CCDC152: variants seen among roughly 807,000 people sequenced by gnomAD.
CCDC152 encodes the protein coiled-coil domain-containing protein 152.
CCDC152 carries 37 observed loss-of-function variants against 38.1 expected under a neutral mutation model. The observed-to-expected ratio is 0.97, with a 90% CI of 0.75 to 1.28. The LOEUF is 1.28. CCDC152 is among the 50% of genes most tolerant of loss of function. The pLI is 0.00. For synonymous variants in CCDC152, 83 were observed against 87.1 expected (o/e 0.95, Z 0.26); for missense variants, 259 against 292.1 (o/e 0.89, Z 0.83).
At chr5:42,775,501 A>G (rs138821104) in intron 4 of CCDC152, among the ~76,000 whole-genome samples, 89 of 152,324 alleles carry the variant, frequency 5.8e-4, no homozygotes, top group African/African-American at 2.1e-3. Context: ...AAGTAGAAAT[A>G]AAGACTTTCT....
chr5:42,788,430 G>T (rs1272780144), intron 6 of CCDC152, among the ~76,000 whole-genome samples: 1 of 151,822 alleles, frequency 6.6e-6, no homozygotes, highest in Non-Finnish European at 1.5e-5. Flanking sequence ...TCTTACAGAA[G>T]CCTTACAAAC....
chr5:42,763,580 T>C (rs1378363554), intron 3 of CCDC152, among the ~76,000 whole-genome samples: 1 of 152,202 alleles, frequency 6.6e-6, no homozygotes, highest in African/African-American at 2.4e-5. Flanking sequence ...TTATATCATA[T>C]TGATAGTATA....
rs191576796 is a variant in CCDC152, at chr5:42,769,110, A to G, written c.194-487A>G. ...AAAAATATACAAAAACTAGCCAGAC[A>G]TGGTGACGCGTGCCTGTGATCCCAG... On this transcript the variant is annotated intron_variant, in intron 3 of 8. Transcript: ENST00000361970. Among the ~76,000 whole-genome samples the G allele has an allele frequency of 5.2e-4, 79 of 152,126 alleles. 2 individuals are homozygous for G. In the East Asian group the frequency reaches 0.013, roughly 25 times the overall value.
intron 3 of CCDC152, among the ~76,000 whole-genome samples, chr5:42,768,717 C>CA (rs1759658031): frequency 6.6e-6 from 1 of 152,164 alleles, no homozygotes; most frequent in East Asian, 1.9e-4. Flanking sequence ...TTATACCACA[C>CA]AATTGTACCA....
At chr5:42,786,584 C>T (rs1759924135) in intron 6 of CCDC152, among the ~76,000 whole-genome samples, 1 of 151,886 alleles carries the variant, frequency 6.6e-6, no homozygotes, top group Non-Finnish European at 1.5e-5. Flanking sequence ...TCAAAAAACC[C>T]AGTTTTTGTC....
intron 7 of CCDC152, among the ~76,000 whole-genome samples, chr5:42,797,306 C>T (rs1280964168): frequency 4.6e-5 from 7 of 152,198 alleles, no homozygotes; most frequent in African/African-American, 1.7e-4. Context: ...CAACTTTAGG[C>T]CCAACACTAG....
intron 4 of CCDC152, among the ~76,000 whole-genome samples, chr5:42,778,849 T>C (rs1416989319): frequency 6.6e-6 from 1 of 152,198 alleles, no homozygotes; most frequent in Admixed American, 6.5e-5. Context: ...TTCTGCACTA[T>C]TCAAAATTCT....
chr5:42,763,835 A>G (rs1360974691), intron 3 of CCDC152, among the ~76,000 whole-genome samples: 1 of 152,236 alleles, frequency 6.6e-6, no homozygotes, highest in Non-Finnish European at 1.5e-5. Flanking sequence ...AGATGAAACC[A>G]CAGAAAAACT....
At chr5:42,787,853 G>A (rs1429945963) in intron 6 of CCDC152, among the ~76,000 whole-genome samples, 1 of 152,154 alleles carries the variant, frequency 6.6e-6, no homozygotes, top group African/African-American at 2.4e-5. Flanking sequence ...TTACACATAG[G>A]ATGGGTCTCT....
rs750486327 is a variant in CCDC152 at position 42,801,084 on chromosome 5, C to T, written c.*1303C>T. The stretch of plus-strand genomic sequence containing the variant: ...TAAATCTTCACTTGCTGGCATATCT[C>T]GGTTCTCTGGGTGACCCTGCCTATG... On this transcript the variant is annotated 3_prime_UTR_variant, in exon 9 of 9. Coordinates refer to ENST00000361970, the MANE Select transcript of CCDC152 (RefSeq NM_001134848.2). The T allele has an allele frequency of 1.1e-5, 18 of 1,613,990 alleles. No homozygotes were observed. The highest frequency in any genetic ancestry group is 2.2e-5 in the East Asian group (1 of 44,900).
chr5:42,788,578 G>T (rs1759956252), intron 6 of CCDC152, among the ~76,000 whole-genome samples: 1 of 151,988 alleles, frequency 6.6e-6, no homozygotes, highest in African/African-American at 2.4e-5. Flanking sequence ...GTATGTCTCT[G>T]GGATAGTAAC....
At position 42,767,746 on chromosome 5, in the gene CCDC152, AG is replaced by A. The variant is rs1235147543; in HGVS notation, c.194-1848del. 3.3e-5 allele frequency among the ~76,000 whole-genome samples: 5 copies of A among 152,344 alleles called. No homozygotes were observed. The East Asian group carries it at 7.7e-4, about 23-fold the overall frequency. ...ACACATTTTTGAAACATTCAGTTGCAGGGTTCTGTTCTCAATTTACGGATTA... is the reference window on the plus strand; with the variant it reads ...ACACATTTTTGAAACATTCAGTTGCAGGTTCTGTTCTCAATTTACGGATTA... On this transcript the variant is annotated intron_variant, in intron 3 of 8. Transcript: ENST00000361970.
intron 6 of CCDC152, among the ~76,000 whole-genome samples, chr5:42,784,267 C>T (rs979668821): frequency 1.3e-5 from 2 of 151,872 alleles, no homozygotes; most frequent in Non-Finnish European, 2.9e-5. Context: ...ATTTTTTTGA[C>T]TTTTTAGTAA....
rs1163694189 is a variant in CCDC152, at chr5:42,800,425, G to A, written c.*644G>A. ...CTAATTATCCAACAGAAACCCCTAG[G>A]TCATAGTTTACGTTTCTATTCTCAT... On this transcript the variant is annotated 3_prime_UTR_variant, in exon 9 of 9. Coordinates refer to ENST00000361970, the MANE Select transcript of CCDC152 (RefSeq NM_001134848.2). 2.0e-5 allele frequency: 5 copies of A among 251,862 alleles called. No homozygotes were observed. The highest frequency in any genetic ancestry group is 3.0e-5 in the Non-Finnish European group (4 of 133,342). 15.6% of individuals were successfully genotyped at this position (251,862 alleles called of 1,614,324 possible).
chr5:42,798,134 G>A (rs544894759), intron 7 of CCDC152, among the ~76,000 whole-genome samples: 12 of 152,000 alleles, frequency 7.9e-5, no homozygotes, highest in Non-Finnish European at 1.8e-4. Flanking sequence ...CTGGGCAACA[G>A]AACGAAAAAA....
At chr5:42,770,621 G>A (rs1193464386) in intron 4 of CCDC152, among the ~76,000 whole-genome samples, 1 of 151,994 alleles carries the variant, frequency 6.6e-6, no homozygotes, top group Non-Finnish European at 1.5e-5. Context: ...GCTATTTGAG[G>A]TCTTTTGTGT....
intron 4 of CCDC152, among the ~76,000 whole-genome samples, chr5:42,776,479 C>T (rs775788897): frequency 1.3e-4 from 20 of 152,094 alleles, no homozygotes; most frequent in Non-Finnish European, 2.8e-4. Flanking sequence ...TAGATGAGTC[C>T]ACTATTGTAG....
chr5:42,790,569 T>C (rs1431885722), intron 6 of CCDC152, among the ~76,000 whole-genome samples: 3 of 152,110 alleles, frequency 2.0e-5, no homozygotes, highest in African/African-American at 7.2e-5. Context: ...AGAAGTTTAT[T>C]GGGGAAAACA....
At chr5:42,769,750 A>G in intron 4 of CCDC152, 85 bp downstream of exon 4, 4 of 1,349,288 alleles carry the variant, frequency 3.0e-6, no homozygotes, top group Non-Finnish European at 2.9e-6. Context: ...ATGGTTGATA[A>G]TAAATTTCAA....
Sources: gnomAD v4.1 joint callset for allele counts (sites outside exome capture counted in the v4.1 genomes callset) on GRCh38, gnomAD v4.1.1 for gene constraint, MANE v1.5 for transcripts, NCBI Gene and HGNC (gene_info 2026-07-23, HGNC 2026-07-21) for gene names.